The following SEMA3D variants were observed in gnomAD, a reference collection of about 807,000 sequenced individuals.
The protein encoded by SEMA3D is semaphorin-3D.
Under a neutral mutation model 100.1 loss-of-function variants are expected in SEMA3D, and 84 were observed. The observed-to-expected ratio is 0.84, with a 90% CI of 0.70 to 1.01. The LOEUF (loss-of-function observed/expected upper bound fraction) is 1.01. Among genes scored for constraint, SEMA3D ranks in the 50% least tolerant of loss-of-function variants. The pLI is 0.00. For synonymous variants in SEMA3D, 312 were observed against 320.7 expected (o/e 0.97, Z 0.29); for missense variants, 875 against 934.1 (o/e 0.94, Z 0.82).
At chr7:85,176,305 T>G (rs1160530952) in intron 1 of SEMA3D, among the ~76,000 whole-genome samples, 1 of 152,166 alleles carries the variant, frequency 6.6e-6, no homozygotes, top group Non-Finnish European at 1.5e-5. Flanking sequence ...CAAAGCATAT[T>G]AGTCATATTG....
At chr7:85,051,997 G>A (rs1791178693) in intron 9 of SEMA3D, among the ~76,000 whole-genome samples, 1 of 151,878 alleles carries the variant, frequency 6.6e-6, no homozygotes, top group African/African-American at 2.4e-5. Context: ...TGCAGGTGTA[G>A]AATATTACCG....
chr7:85,101,811 A>G (rs1788753663), intron 3 of SEMA3D, among the ~76,000 whole-genome samples: 1 of 152,020 alleles, frequency 6.6e-6, no homozygotes, highest in Non-Finnish European at 1.5e-5. Flanking sequence ...AAAGTCAATA[A>G]ATATTGTTTT....
the SEMA3D span, among the ~76,000 whole-genome samples, chr7:85,218,444 ACT>A: frequency 6.6e-6 from 1 of 151,832 alleles, no homozygotes; most frequent in East Asian, 1.9e-4. Context: ...CTTTGATGCG[ACT>A]CTATATTTCA....
intron 16 of SEMA3D, among the ~76,000 whole-genome samples, chr7:85,014,667 T>A (rs1206696607): frequency 6.6e-6 from 1 of 151,754 alleles, no homozygotes; most frequent in Non-Finnish European, 1.5e-5. Flanking sequence ...TGTACAATCA[T>A]ATATATTTAT....
chr7:85,067,770 T>C (rs73377871), intron 7 of SEMA3D, among the ~76,000 whole-genome samples: 9,301 of 152,208 alleles, frequency 0.061, 951 homozygotes, highest in African/African-American at 0.21. Context: ...AGGAAGATGT[T>C]ATAACATTCT....
At chr7:85,194,850 T>C in the SEMA3D span, among the ~76,000 whole-genome samples, 1 of 151,682 alleles carries the variant, frequency 6.6e-6, no homozygotes, top group Non-Finnish European at 1.5e-5. Flanking sequence ...TGTTTTTCCA[T>C]CATCTTTCGT....
the SEMA3D span, among the ~76,000 whole-genome samples, chr7:85,200,075 C>G: frequency 1.3e-5 from 2 of 152,174 alleles, no homozygotes; most frequent in Non-Finnish European, 2.9e-5. Context: ...TCCATTAAAC[C>G]TGTTTCTTTT....
the SEMA3D span, among the ~76,000 whole-genome samples, chr7:85,242,968 G>A: frequency 3.9e-5 from 6 of 152,116 alleles, no homozygotes; most frequent in Non-Finnish European, 1.5e-5. Context: ...TCATAGTAAG[G>A]TTTGCGGGGA....
the SEMA3D span, among the ~76,000 whole-genome samples, chr7:85,240,996 G>A: frequency 6.6e-6 from 1 of 152,002 alleles, no homozygotes; most frequent in Non-Finnish European, 1.5e-5. Flanking sequence ...CCATCAAATA[G>A]TGTGCTAAGA....
At chr7:85,211,558 T>C in the SEMA3D span, among the ~76,000 whole-genome samples, 1 of 152,062 alleles carries the variant, frequency 6.6e-6, no homozygotes, top group Non-Finnish European at 1.5e-5. Flanking sequence ...AAACTAACAA[T>C]AGAAAGACAT....
chr7:85,163,159 C>T (rs1790795342), intron 1 of SEMA3D: 2 of 163,366 alleles, frequency 1.2e-5, no homozygotes, highest in Non-Finnish European at 2.6e-5. Context: ...TGAGCCAATG[C>T]TTGTGCAGCA....
At chr7:85,149,080 A>C (rs1216527521) in intron 2 of SEMA3D, among the ~76,000 whole-genome samples, 2 of 152,140 alleles carry the variant, frequency 1.3e-5, no homozygotes, top group African/African-American at 2.4e-5. Context: ...ATAACACCAA[A>C]TCTTAAAATG....
Position 85,170,457 on chromosome 7 carries a change from A to G in SEMA3D, c.-173+16221T>C, listed in dbSNP as rs112872271. 5.3e-3 allele frequency among the ~76,000 whole-genome samples: 807 copies of G among 152,018 alleles called. 7 individuals carry two copies. The highest frequency in any genetic ancestry group is 0.019 in the African/African-American group (778 of 41,498). On this transcript the variant is annotated intron_variant, in intron 1 of 18. Transcript: ENST00000284136. ...AATCATTTCAAAAAGTGTAATATCA[A>G]TGGGAAGGTTTGAATCTCAGGGAAT...
chr7:85,075,911 CTA>C (rs926369209), intron 5 of SEMA3D, among the ~76,000 whole-genome samples: 2 of 152,122 alleles, frequency 1.3e-5, no homozygotes, highest in African/African-American at 4.8e-5. Flanking sequence ...CTCAGAAATC[CTA>C]TGTTGTTTTA....
the SEMA3D span, among the ~76,000 whole-genome samples, chr7:85,239,293 T>C: frequency 6.6e-6 from 1 of 152,138 alleles, no homozygotes; most frequent in Non-Finnish European, 1.5e-5. Flanking sequence ...TCTCCACCCT[T>C]GTAAATGGAT....
chr7:85,222,178 G>T, the SEMA3D span, among the ~76,000 whole-genome samples: 12 of 152,108 alleles, frequency 7.9e-5, no homozygotes, highest in Admixed American at 3.3e-4. Flanking sequence ...TACTAACCCT[G>T]AGAAGTTAAA....
chr7:85,030,656 A>G (rs1282226960), intron 12 of SEMA3D, among the ~76,000 whole-genome samples: 1 of 152,074 alleles, frequency 6.6e-6, no homozygotes, highest in Non-Finnish European at 1.5e-5. Flanking sequence ...CTTTTGAGGA[A>G]ATATTTACTA....
chr7:85,029,017 C>G (rs1250064953), intron 12 of SEMA3D: 2 of 414,262 alleles, frequency 4.8e-6, no homozygotes, highest in African/African-American at 4.1e-5. Flanking sequence ...GGATGTCACT[C>G]CTCTTTCCCT....
At chr7:85,072,366 T>C (rs1459955963) in intron 6 of SEMA3D, among the ~76,000 whole-genome samples, 1 of 152,180 alleles carries the variant, frequency 6.6e-6, no homozygotes, top group African/African-American at 2.4e-5. Flanking sequence ...CTTTACTTAG[T>C]GTCCACTATT....
Sources: allele counts gnomAD v4.1 joint callset (sites outside exome capture counted in the v4.1 genomes callset), GRCh38; gene constraint gnomAD v4.1.1; transcripts MANE v1.5; gene names NCBI Gene and HGNC (gene_info 2026-07-23, HGNC 2026-07-21).